PDS5B: variants seen among roughly 807,000 people sequenced by gnomAD.
PDS5B encodes the protein sister chromatid cohesion protein PDS5 homolog B.
In PDS5B, 51 loss-of-function variants were observed where a neutral mutation model predicts 184.1. The ratio of observed to expected loss-of-function variants is 0.28; its 90% CI spans 0.22 to 0.35. PDS5B has a LOEUF of 0.35. Among genes scored for constraint, PDS5B ranks in the 10% least tolerant of loss-of-function variants. The probability of loss-of-function intolerance (pLI) is 1.00; values close to 1 mark genes in which losing one functional copy is unlikely to be tolerated. For synonymous variants in PDS5B, 566 were observed against 569.2 expected, an observed-to-expected ratio of 0.99 and a Z score of 0.08; for missense variants, 1,180 against 1,723.3, an observed-to-expected ratio of 0.68 and a Z score of 5.58.
chr13:32,638,631 A>G (rs543395770), intron 1 of PDS5B, among the ~76,000 whole-genome samples: 5 of 130,508 alleles, frequency 3.8e-5, no homozygotes, highest in Non-Finnish European at 6.4e-5. Context: ...CATCCATCCA[A>G]TAACAGAATA....
Position 32,758,527 on chromosome 13 carries a change from A to C in PDS5B, c.3190-7A>C. ...GTATCTGTGTTTTTAAAAATATACT[A>C]TTGCAGAAACTGTACACTGTGTGTG... is the stretch of plus-strand genomic sequence containing the variant. On this transcript the variant is annotated splice_polypyrimidine_tract_variant and splice_region_variant and intron_variant, in intron 27 of 34. Transcript: ENST00000315596. The C allele has an allele frequency of 6.2e-7, 1 of 1,606,268 alleles. No individual in the cohort carries two copies. Among genetic ancestry groups the C allele is most frequent in the Non-Finnish European group, 8.5e-7 (1 of 1,176,166 alleles).
intron 31 of PDS5B, among the ~76,000 whole-genome samples, chr13:32,768,801 A>G (rs1344358597): frequency 4.2e-5 from 2 of 48,168 alleles, no homozygotes; most frequent in South Asian, 4.5e-4. Flanking sequence ...TCAAAAAAAA[A>G]AAAAAGAAAA....
chr13:32,618,149 C>T (rs2058246067), intron 1 of PDS5B, among the ~76,000 whole-genome samples: 1 of 152,176 alleles, frequency 6.6e-6, no homozygotes, highest in African/African-American at 2.4e-5. Flanking sequence ...GGCCTAAGCA[C>T]TCAGGCCCCA....
At chr13:32,649,669 G>A (rs566885247) in intron 2 of PDS5B, 1 of 152,108 alleles carries the variant, frequency 6.6e-6, no homozygotes, top group Admixed American at 6.5e-5. Flanking sequence ...ATTGCTACAT[G>A]GTGTATAGAA....
rs190794079 is a variant in PDS5B at position 32,668,238 on chromosome 13, T to C, written c.705+394T>C. Among the ~76,000 whole-genome samples the C allele has an allele frequency of 5.1e-3, 778 of 152,294 alleles. 19 individuals are homozygous for C. The highest frequency in any genetic ancestry group is 0.047 in the Admixed American group (712 of 15,274). ...AATTGATTTGTACAAGAAGAAGATATGAACTAATATTAAGACCTAGAAATT... is the reference window on the plus strand; with the variant it reads ...AATTGATTTGTACAAGAAGAAGATACGAACTAATATTAAGACCTAGAAATT... On this transcript the variant is annotated intron_variant, in intron 7 of 34. Coordinates refer to ENST00000315596, the MANE Select transcript of PDS5B (RefSeq NM_015032.4).
chr13:32,651,682 T>C (rs553924117), intron 2 of PDS5B, 122 bp from the exon 3 acceptor site: 1 of 602,366 alleles, frequency 1.7e-6, no homozygotes, highest in African/African-American at 1.8e-5. Flanking sequence ...ATAGAGACTT[T>C]CTGCAGAAAA....
At chr13:32,724,287 T>A (rs899372749) in intron 19 of PDS5B, among the ~76,000 whole-genome samples, 5 of 152,004 alleles carry the variant, frequency 3.3e-5, no homozygotes, top group African/African-American at 1.2e-4. Context: ...TTTTTTTTTT[T>A]AAACTTTTTG....
At chr13:32,601,203 T>C (rs760249162) in intron 1 of PDS5B, among the ~76,000 whole-genome samples, 2 of 152,244 alleles carry the variant, frequency 1.3e-5, no homozygotes, top group African/African-American at 4.8e-5. Context: ...CAAGTCATTC[T>C]TTAAAAGTAT....
intron 3 of PDS5B, chr13:32,652,215 AGT>A (rs1224707253): frequency 2.2e-6 from 1 of 451,956 alleles, no homozygotes; most frequent in Non-Finnish European, 3.9e-6. Context: ...AGATTAATAC[AGT>A]GTGTATTTTT....
intron 3 of PDS5B, among the ~76,000 whole-genome samples, chr13:32,655,729 G>A (rs1950497420): frequency 6.6e-6 from 1 of 151,918 alleles, no homozygotes; most frequent in Non-Finnish European, 1.5e-5. Flanking sequence ...ATACCTTCTT[G>A]ATATTAGACC....
At chr13:32,657,842 A>G (rs1180652202) in intron 3 of PDS5B, among the ~76,000 whole-genome samples, 1 of 152,148 alleles carries the variant, frequency 6.6e-6, no homozygotes, top group East Asian at 1.9e-4. Context: ...ATTGTTTCCT[A>G]AACTGCTCTT....
intron 3 of PDS5B, among the ~76,000 whole-genome samples, chr13:32,656,908 T>G (rs1338037427): frequency 6.6e-6 from 1 of 152,222 alleles, no homozygotes; most frequent in African/African-American, 2.4e-5. Context: ...TATTCTGTTC[T>G]TGATTTGGCT....
intron 1 of PDS5B, among the ~76,000 whole-genome samples, chr13:32,589,083 G>T (rs2057734248): frequency 6.6e-6 from 1 of 152,158 alleles, no homozygotes; most frequent in South Asian, 2.1e-4. Flanking sequence ...TATTGGAAAA[G>T]AATACATTTG....
chr13:32,609,347 GA>G lies in PDS5B; in HGVS notation c.-20+22755del, dbSNP rs1481942186. The stretch of plus-strand genomic sequence containing the variant: ...AATAAATTGGTTAATTATATACAGA[GA>G]TTTTTTTTTTTACATTAAGAGGAAA... On this transcript the variant is annotated intron_variant, in intron 1 of 34. Transcript: ENST00000315596. 7.2e-5 allele frequency among the ~76,000 whole-genome samples: 11 copies of G among 151,894 alleles called. No individual in the cohort carries two copies. In the East Asian group the frequency reaches 7.7e-4, roughly 11 times the overall value.
intron 19 of PDS5B, among the ~76,000 whole-genome samples, chr13:32,712,876 TTTTTACCAACTTTACGGGA>T (rs1245947044): frequency 1.3e-5 from 2 of 152,174 alleles, no homozygotes. Flanking sequence ...AGGAAATATC[TTTTTACCAACTTTACGGGA>T]ACAGAAGAAA....
chr13:32,696,944 G>C, intron 15 of PDS5B, 42 bp downstream of exon 15: 1 of 1,165,746 alleles, frequency 8.6e-7, no homozygotes, highest in Non-Finnish European at 1.2e-6. Flanking sequence ...AATTTTTATT[G>C]GAACATTTTT....
intron 10 of PDS5B, among the ~76,000 whole-genome samples, chr13:32,680,250 G>A (rs1488462487): frequency 6.6e-6 from 1 of 152,128 alleles, no homozygotes; most frequent in Non-Finnish European, 1.5e-5. Flanking sequence ...TTGGCAATCT[G>A]TGGCTGTCTG....
rs191418381 is a variant in PDS5B, at chr13:32,730,199, C to T, written c.2124-1902C>T. On this transcript the variant is annotated intron_variant, in intron 19 of 34. Transcript: ENST00000315596. ...TTTTCCCAGCAACCTTTATTAAATA[C>T]GGAATCCTTTCCCCATTGCTTGTTT... 2.1e-4 allele frequency among the ~76,000 whole-genome samples: 32 copies of T among 152,094 alleles called. 1 individual carries two copies. The highest frequency in any genetic ancestry group is 3.4e-3 in the Middle Eastern group (1 of 294).
chr13:32,623,089 G>C (rs537431955), intron 1 of PDS5B, among the ~76,000 whole-genome samples: 2 of 152,156 alleles, frequency 1.3e-5, no homozygotes, highest in African/African-American at 4.8e-5. Flanking sequence ...AACTGTTTTC[G>C]TGTGCTGAAT....
Sources: allele counts gnomAD v4.1 joint callset (sites outside exome capture counted in the v4.1 genomes callset), GRCh38; gene constraint gnomAD v4.1.1; transcripts MANE v1.5; gene names NCBI Gene and HGNC (gene_info 2026-07-23, HGNC 2026-07-21).